ECD: variants seen among roughly 807,000 people sequenced by gnomAD.
ECD encodes ecdysoneless cell cycle regulator.
ECD carries 59 observed loss-of-function variants against 77.2 expected under a neutral mutation model. The observed-to-expected ratio is 0.76, with a 90% CI of 0.62 to 0.95. The LOEUF (loss-of-function observed/expected upper bound fraction) is 0.95. Among genes scored for constraint, ECD ranks in the 40% least tolerant of loss-of-function variants. The pLI, the probability that ECD is intolerant of heterozygous loss-of-function variation, is 0.00. For missense variants in ECD, 704 were observed against 763.4 expected (o/e 0.92, Z 0.92); for synonymous variants, 233 against 267.4 (o/e 0.87, Z 1.26).
At position 73,152,305 on chromosome 10, in the gene ECD, C is replaced by T. The variant is rs1402019823; in HGVS notation, c.900G>A (p.Leu300=). Residue 300 remains leucine, a synonymous_variant, in exon 7 of 14, where the codon TTG becomes TTA. Transcript: ENST00000372979. ...PSDPQYRAHE[L]GMKLAHGFEI... is the part of the protein sequence containing the mutation. ...GGTTCAACATTACCAATTTCATGCCCAATTCATGGGCTCGGTACTGGGGAT... is the reference window on the plus strand; with the variant it reads ...GGTTCAACATTACCAATTTCATGCCTAATTCATGGGCTCGGTACTGGGGAT... 1 of 1,612,842 alleles carries T rather than the reference C, an allele frequency of 6.2e-7. No individual in the cohort carries two copies. Among genetic ancestry groups the T allele is most frequent in the Middle Eastern group, 1.7e-4 (1 of 6,060 alleles).
chr10:73,164,038 T>G, intron 1 of ECD, 88 bp from the exon 2 acceptor site: 1 of 1,222,742 alleles, frequency 8.2e-7, no homozygotes, highest in Non-Finnish European at 1.2e-6. Context: ...GAACACTGTT[T>G]TCTAAAATTT....
rs539364048 is a variant in ECD at position 73,152,531 on chromosome 10, T to C, written c.784-110A>G. On this transcript the variant is annotated intron_variant, in intron 6 of 13. Transcript: ENST00000372979. The stretch of plus-strand genomic sequence containing the variant: ...TCCATTTATAAGCTTCATATTCATA[T>C]GAAATGCAAAGAAGATTCAACCTAT... 12 of 1,287,396 alleles carry C rather than the reference T, an allele frequency of 9.3e-6. No individual in the cohort carries two copies. The Admixed American group carries it at 1.1e-4, about 12-fold the overall frequency. The allele number at this position is 1,287,396 out of a possible 1,614,324, so 79.7% of individuals were successfully genotyped here.
At chr10:73,148,782 A>T (rs186661425) in intron 7 of ECD, among the ~76,000 whole-genome samples, 16 of 152,324 alleles carry the variant, frequency 1.1e-4, no homozygotes, top group Admixed American at 1.0e-3. Flanking sequence ...ATGATCTCAG[A>T]CATAGTAAAG....
chr10:73,160,627 T>C lies in ECD; in HGVS notation c.206-76A>G, dbSNP rs565504240. The C allele has an allele frequency of 5.4e-5, 56 of 1,046,546 alleles. No homozygotes were observed. The South Asian group carries it at 8.2e-4, about 15-fold the overall frequency. The allele number at this position is 1,046,546 out of a possible 1,614,324, so 64.8% of individuals were successfully genotyped here. On this transcript the variant is annotated intron_variant, in intron 2 of 13. Coordinates refer to ENST00000372979, the MANE Select transcript of ECD (RefSeq NM_007265.3). The stretch of plus-strand genomic sequence containing the variant: ...AATAAAATGCACATAATCATTCAAC[T>C]GAATACACATTCATTGACTGATTGC...
At position 73,156,756 on chromosome 10, in the gene ECD, T is replaced by TA. The variant is rs1340417517; in HGVS notation, c.324-102dup. Reference sequence around the variant, plus strand: ...ACATTTTCCTCTTCATCTTAGTAAATATTTGAGTATGTACTATGTGCAGAT... The same window carrying TA: ...ACATTTTCCTCTTCATCTTAGTAAATAATTTGAGTATGTACTATGTGCAGAT... On this transcript the variant is annotated intron_variant, in intron 3 of 13. Transcript: ENST00000372979. 7 of 1,136,506 alleles carry TA rather than the reference T, an allele frequency of 6.2e-6. No individual in the cohort carries two copies. The African/African-American group carries it at 1.1e-4, about 17-fold the overall frequency. The allele number at this position is 1,136,506 out of a possible 1,614,324, so 70.4% of individuals were successfully genotyped here.
chr10:73,152,374 A>G lies in ECD; in HGVS notation c.831T>C (p.Phe277=). 6.2e-7 allele frequency: 1 copy of G among 1,613,950 alleles called. No individual in the cohort carries two copies. Among genetic ancestry groups the G allele is most frequent in the Non-Finnish European group, 8.5e-7 (1 of 1,179,866 alleles). The change falls in exon 7 of 14, where the codon TTT becomes TTC. Residue 277 remains phenylalanine (F), a synonymous_variant. Coordinates refer to ENST00000372979, the MANE Select transcript of ECD (RefSeq NM_007265.3). ...TGTATCCACTCCGCCGGTCTGGCAC[A>G]AACCTTTGTTGCACCAATTGTGCAT... The part of the protein sequence containing the change: ...CLYAQLVQQR[F]VPDRRSGYRL...
At position 73,150,500 on chromosome 10, in the gene ECD, C is replaced by T. The variant is rs542109753; in HGVS notation, c.912+1793G>A. 3.9e-5 allele frequency among the ~76,000 whole-genome samples: 6 copies of T among 152,262 alleles called. No homozygotes were observed. The South Asian group carries it at 1.2e-3, about 32-fold the overall frequency. On this transcript the variant is annotated intron_variant, in intron 7 of 13. Transcript: ENST00000372979. The stretch of plus-strand genomic sequence containing the variant: ...ATGTCTAAAACACCAAAAGCAATGG[C>T]AACAAAAGCCAAAATTGACAAATGG...
Position 73,152,412 on chromosome 10 carries a change from T to A in ECD, c.793A>T (p.Thr265Ser), listed in dbSNP as rs1385939812. Residue 265 changes from threonine to serine, a missense_variant, in exon 7 of 14, where the codon ACT (threonine) becomes TCT (serine). This residue lies in a region of ECD where 559 missense variants were observed against 583.7 expected (regional missense o/e 0.96). Coordinates refer to ENST00000372979, the MANE Select transcript of ECD (RefSeq NM_007265.3). Reference sequence around the variant, plus strand: ...ACCAATTGTGCATATAGACATTTAGTGAATGTGACCTGGGCATCAAGACAC... The same window carrying A: ...ACCAATTGTGCATATAGACATTTAGAGAATGTGACCTGGGCATCAAGACAC... ...ETRIMTSVTF[T>S]KCLYAQLVQQ... 3 of 1,612,806 alleles carry A rather than the reference T, an allele frequency of 1.9e-6. No homozygotes were observed. Among genetic ancestry groups the A allele is most frequent in the South Asian group, 2.2e-5 (2 of 91,024 alleles).
rs1564668433 is a variant in ECD at position 73,163,616 on chromosome 10, A to C, written c.205+117T>G. ...ATAGACAAGTATTACTCATCTAAAA[A>C]GTTTAGTGTATTAATCTCTTCCTGG... On this transcript the variant is annotated intron_variant, in intron 2 of 13. Transcript: ENST00000372979. 4.3e-6 allele frequency: 4 copies of C among 934,880 alleles called. No individual in the cohort carries two copies. In the African/African-American group the frequency reaches 6.7e-5, roughly 16 times the overall value. The allele number at this position is 934,880 out of a possible 1,614,324, so 57.9% of individuals were successfully genotyped here.
In ECD at chr10:73,139,388, A is replaced by T. The variant is rs1230608557; in HGVS notation, c.1342T>A (p.Tyr448Asn). The T allele has an allele frequency of 6.2e-7, 1 of 1,614,186 alleles. No individual in the cohort carries two copies. Among genetic ancestry groups the T allele is most frequent in the Admixed American group, 1.7e-5 (1 of 60,014 alleles). The part of the protein sequence containing the change: ...SVSKEEKEQN[Y>N]DLTEVSESMK... ...CTCTCTGAGACTTCAGTTAAGTCAT[A>T]GTTCTGCTCCTTCTCCTCCTTGGAA... Residue 448 changes from tyrosine (Y) to asparagine (N), a missense_variant, in exon 11 of 14, where the codon TAT becomes AAT. Transcript: ENST00000372979.
chr10:73,163,720 A>G lies in ECD; in HGVS notation c.205+13T>C. 6.2e-7 allele frequency: 1 copy of G among 1,613,004 alleles called. No individual in the cohort carries two copies. Among genetic ancestry groups the G allele is most frequent in the South Asian group, 1.1e-5 (1 of 91,040 alleles). On this transcript the variant is annotated intron_variant, in intron 2 of 13. Transcript: ENST00000372979. Reference sequence around the variant, plus strand: ...AAAAGTCACACTAATCCAAACAAGTAAAAGAGCCTTACCTTTCCCAGGTTT... The same window carrying G: ...AAAAGTCACACTAATCCAAACAAGTGAAAGAGCCTTACCTTTCCCAGGTTT...
intron 12 of ECD, among the ~76,000 whole-genome samples, chr10:73,137,590 A>G (rs188007770): frequency 8.3e-4 from 127 of 152,224 alleles, no homozygotes; most frequent in African/African-American, 2.9e-3. Context: ...CCTGGCTAAC[A>G]CGGTGAAACC....
chr10:73,153,725 CAAA>C (rs201711578), intron 6 of ECD, among the ~76,000 whole-genome samples: 15 of 41,316 alleles, frequency 3.6e-4, no homozygotes, highest in African/African-American at 9.5e-4. Flanking sequence ...GACTCTGTCT[CAAA>C]AAAAAAAAAA....
intron 6 of ECD, among the ~76,000 whole-genome samples, 169 bp downstream of exon 6, chr10:73,154,087 A>G (rs1843259841): frequency 6.6e-6 from 1 of 152,224 alleles, no homozygotes. Flanking sequence ...GGAATATTCA[A>G]TCTATATTAA....
At chr10:73,158,316 C>T (rs1048850254) in intron 3 of ECD, among the ~76,000 whole-genome samples, 4 of 151,914 alleles carry the variant, frequency 2.6e-5, no homozygotes, top group Non-Finnish European at 5.9e-5. Context: ...AATGTTCGCA[C>T]CACACACAAA....
rs1038773137 is a variant in ECD, at chr10:73,152,430, C to T, written c.784-9G>A. 1.2e-6 allele frequency: 2 copies of T among 1,609,292 alleles called. No individual in the cohort carries two copies. Among genetic ancestry groups the T allele is most frequent in the Non-Finnish European group, 1.7e-6 (2 of 1,176,416 alleles). ...CATTTAGTGAATGTGACCTGGGCAT[C>T]AAGACACAAAATACATGAGTCTTTT... On this transcript the variant is annotated splice_polypyrimidine_tract_variant and intron_variant, in intron 6 of 13. Coordinates refer to ENST00000372979, the MANE Select transcript of ECD (RefSeq NM_007265.3).
At chr10:73,139,925 C>T (rs1843030783) in intron 9 of ECD, among the ~76,000 whole-genome samples, 188 bp from the exon 10 acceptor site, 1 of 148,498 alleles carries the variant, frequency 6.7e-6, no homozygotes, top group South Asian at 2.1e-4. Context: ...TTCAAATGAT[C>T]CTCCCACTTC....
intron 3 of ECD, among the ~76,000 whole-genome samples, chr10:73,158,728 C>G (rs7905802): frequency 0.16 from 23,850 of 151,428 alleles, 3,130 homozygotes; most frequent in African/African-American, 0.34. Context: ...AGAGTGAGAG[C>G]CTGTCTCAAA....
chr10:73,160,562 G>C lies in ECD; in HGVS notation c.206-11C>G, dbSNP rs778481994. On this transcript the variant is annotated splice_polypyrimidine_tract_variant and intron_variant, in intron 2 of 13. Transcript: ENST00000372979. ...GAGCAGGAACACCTCCTAAAAACAA[G>C]AGAAAAGCAACCATGTAACCAGATA... 6.4e-7 allele frequency: 1 copy of C among 1,574,280 alleles called. No individual in the cohort carries two copies. The highest frequency in any genetic ancestry group is 1.2e-5 in the South Asian group (1 of 85,450).
Sources: allele counts gnomAD v4.1 joint callset (sites outside exome capture counted in the v4.1 genomes callset), GRCh38; gene constraint gnomAD v4.1.1; regional missense constraint gnomAD v4.1.1; transcripts MANE v1.5; gene names NCBI Gene and HGNC (gene_info 2026-07-23, HGNC 2026-07-21).